ZNF782: variants seen among roughly 807,000 people sequenced by gnomAD.
ZNF782 encodes zinc finger protein 782.
A neutral mutation model predicts 13.0 loss-of-function variants in ZNF782; 12 were observed. The ratio of observed to expected loss-of-function variants is 0.92; its 90% CI spans 0.59 to 1.50. The LOEUF (loss-of-function observed/expected upper bound fraction) is 1.50, where lower values mean the gene tolerates loss of function less well. Among genes scored for constraint, ZNF782 ranks in the 40% most tolerant of loss-of-function variants. The probability of loss-of-function intolerance (pLI) is 0.00; values close to 1 mark genes in which losing one functional copy is unlikely to be tolerated. For synonymous variants in ZNF782, 284 were observed against 283.0 expected (o/e 1.00, Z -0.04); for missense variants, 770 against 822.9 (o/e 0.94, Z 0.79).
chr9:96,925,130 C>T, the ZNF782 span, among the ~76,000 whole-genome samples: 4 of 152,342 alleles, frequency 2.6e-5, no homozygotes, highest in Admixed American at 6.5e-5. Flanking sequence ...CCCGAACCAC[C>T]GGCAACCGAT....
intron 5 of ZNF782, among the ~76,000 whole-genome samples, chr9:96,820,557 T>C (rs1563994402): frequency 2.0e-5 from 3 of 149,184 alleles, no homozygotes; most frequent in East Asian, 2.0e-4. Context: ...TTTTTTTTTT[T>C]TCTTTTTTTT....
intron 5 of ZNF782, among the ~76,000 whole-genome samples, chr9:96,820,931 C>T (rs755158546): frequency 2.0e-5 from 3 of 152,200 alleles, no homozygotes; most frequent in African/African-American, 4.8e-5. Context: ...CCAGCTTTGT[C>T]TTTGTCCAAT....
chr9:96,898,057 G>A, the ZNF782 span: 2 of 149,754 alleles, frequency 1.3e-5, no homozygotes, highest in East Asian at 2.2e-4. Flanking sequence ...TGCATGCACT[G>A]ATTATCTCTT....
the ZNF782 span, chr9:96,887,227 T>C: frequency 2.0e-5 from 3 of 147,518 alleles, no homozygotes; most frequent in African/African-American, 5.0e-5. Context: ...GGCAGGAGAA[T>C]TGCTTGAACC....
chr9:96,903,111 G>C, the ZNF782 span: 12 of 151,136 alleles, frequency 7.9e-5, no homozygotes, highest in East Asian at 2.4e-3. Context: ...GCCAGTTCCT[G>C]AAGTTTTAAA....
chr9:96,918,533 T>A, the ZNF782 span: 1 of 150,252 alleles, frequency 6.7e-6, no homozygotes, highest in Admixed American at 6.7e-5. Flanking sequence ...GAAAGTGGTA[T>A]CTCTAGGTAG....
chr9:96,818,677 G>C lies in ZNF782; in HGVS notation c.1346C>G (p.Pro449Arg), dbSNP rs1850277306. The C allele has an allele frequency of 6.2e-7, 1 of 1,614,046 alleles. No individual in the cohort carries two copies. The highest frequency in any genetic ancestry group is 8.5e-7 in the Non-Finnish European group (1 of 1,180,026). Residue 449 changes from proline to arginine, a missense_variant, in exon 6 of 6, where the codon CCA becomes CGA. Transcript: ENST00000481138. ...TTTCCCACATTCATGACATTCGAAT[G>C]GTTTCTCCCCTGTGTGGGTTCTCTG... ...IHQRTHTGEKPFECHECGKSF... is the reference protein window; with the variant it reads ...IHQRTHTGEKRFECHECGKSF...
At chr9:96,880,338 C>G (rs527374738), upstream of ZNF782, among the ~76,000 whole-genome samples, 26 of 152,140 alleles carry the variant, frequency 1.7e-4, no homozygotes, top group Non-Finnish European at 3.1e-4. Flanking sequence ...GTGGGGAGAT[C>G]AGACACACTT....
At chr9:96,906,634 G>A in the ZNF782 span, among the ~76,000 whole-genome samples, 4 of 152,316 alleles carry the variant, frequency 2.6e-5, no homozygotes, top group South Asian at 2.1e-4. Context: ...GAAAATAGAC[G>A]TGGAGCTTTT....
At chr9:96,897,043 C>T in the ZNF782 span, among the ~76,000 whole-genome samples, 1 of 152,152 alleles carries the variant, frequency 6.6e-6, no homozygotes, top group Non-Finnish European at 1.5e-5. Context: ...TCCACCAAGC[C>T]ATAAAGTTAG....
At chr9:96,875,839 G>A (rs1245268794), upstream of ZNF782, among the ~76,000 whole-genome samples, 1 of 152,200 alleles carries the variant, frequency 6.6e-6, no homozygotes, top group African/African-American at 2.4e-5. Context: ...CAAGGGCCCC[G>A]GGACCACCTC....
the ZNF782 span, chr9:96,889,338 C>CA: frequency 6.6e-6 from 1 of 152,142 alleles, no homozygotes; most frequent in Non-Finnish European, 1.5e-5. Context: ...GCCATTATTG[C>CA]AAACTTTTGG....
chr9:96,833,488 C>T (rs753811827), intron 4 of ZNF782, among the ~76,000 whole-genome samples: 16 of 152,128 alleles, frequency 1.1e-4, no homozygotes, highest in Non-Finnish European at 2.2e-4. Context: ...TGATGTTTTC[C>T]TCATAACTAA....
chr9:96,852,981 G>A lies in ZNF782; in HGVS notation c.-173C>T, dbSNP rs986711846. ...AAAAGAATCAGAAGTAGATAGCCACGGAAAACCCTTCATGTATCATCATGC... is the reference window on the plus strand; with the variant it reads ...AAAAGAATCAGAAGTAGATAGCCACAGAAAACCCTTCATGTATCATCATGC... On this transcript the variant is annotated 5_prime_UTR_variant, in exon 2 of 6. Transcript: ENST00000481138. 2.6e-5 allele frequency: 4 copies of A among 152,584 alleles called. No homozygotes were observed. The highest frequency in any genetic ancestry group is 9.7e-5 in the African/African-American group (4 of 41,434). The allele number at this position is 152,584 out of a possible 1,614,324, so 9.5% of individuals were successfully genotyped here. A position where few individuals can be genotyped will look rare whatever the true frequency, so the allele number is the denominator to read the frequency against.
chr9:96,878,098 G>A (rs1487120985), upstream of ZNF782, among the ~76,000 whole-genome samples: 1 of 152,202 alleles, frequency 6.6e-6, no homozygotes, highest in Non-Finnish European at 1.5e-5. Context: ...GCCCAAGCTG[G>A]AGTGCAATGC....
chr9:96,822,521 CA>C (rs1850458379), intron 5 of ZNF782, among the ~76,000 whole-genome samples: 1 of 152,176 alleles, frequency 6.6e-6, no homozygotes, highest in Non-Finnish European at 1.5e-5. Flanking sequence ...GAATTTAAAT[CA>C]AAACTTTGAG....
At chr9:96,925,466 C>T in the ZNF782 span, among the ~76,000 whole-genome samples, 2 of 152,026 alleles carry the variant, frequency 1.3e-5, no homozygotes, top group Non-Finnish European at 2.9e-5. Flanking sequence ...GGTGCAATCC[C>T]GTCTCTACCA....
At chr9:96,875,420 T>A (rs1046447132) in intron 1 of ZNF782, 2 of 454,696 alleles carry the variant, frequency 4.4e-6, no homozygotes, top group Admixed American at 4.7e-5. Flanking sequence ...ACCCTCATTT[T>A]CAGGCGAGAA....
the ZNF782 span, chr9:96,929,067 C>T: frequency 6.2e-7 from 1 of 1,610,454 alleles, no homozygotes; most frequent in Non-Finnish European, 8.5e-7. Context: ...GGGGCATTAT[C>T]CTAGTCTGCC....
Sources: gnomAD v4.1 joint callset for allele counts (sites outside exome capture counted in the v4.1 genomes callset) on GRCh38, gnomAD v4.1.1 for gene constraint, MANE v1.5 for transcripts, NCBI Gene and HGNC (gene_info 2026-07-23, HGNC 2026-07-21) for gene names.